The following LCP1 variants were observed in gnomAD, a reference collection of about 807,000 sequenced individuals.
The protein encoded by LCP1 is plastin-2.
In LCP1, 23 loss-of-function variants were observed where a neutral mutation model predicts 72.0. That is an observed-to-expected ratio of 0.32 (90% CI 0.23 to 0.45). The LOEUF (loss-of-function observed/expected upper bound fraction) is 0.45. LCP1 is among the 20% of genes least tolerant of loss of function. The probability of loss-of-function intolerance (pLI) is 1.00; values close to 1 mark genes in which losing one functional copy is unlikely to be tolerated. For missense variants in LCP1, 571 were observed against 748.3 expected (o/e 0.76, Z 2.76); for synonymous variants, 245 against 275.4 (o/e 0.89, Z 1.09).
rs1269363878 is a variant in LCP1 at position 46,130,899 on chromosome 13, T to A, written c.1666A>T (p.Ile556Phe). Reference sequence around the variant, plus strand: ...ATGGAACCTGGTTGGATGGCATCGATGAGGTCCAGAACAGGCAGACTTGTA... The same window carrying A: ...ATGGAACCTGGTTGGATGGCATCGAAGAGGTCCAGAACAGGCAGACTTGTA... The part of the protein sequence containing the change: ...ISTSLPVLDL[I>F]DAIQPGSINY... The change falls in exon 15 of 16, where the codon ATC (isoleucine) becomes TTC (phenylalanine). Residue 556 changes from isoleucine (I) to phenylalanine (F), a missense_variant. By Grantham distance (21) the Ile-to-Phe change is conservative. Transcript: ENST00000323076. The A allele has an allele frequency of 6.2e-7, 1 of 1,612,874 alleles. No individual in the cohort carries two copies. Among genetic ancestry groups the A allele is most frequent in the Admixed American group, 1.7e-5 (1 of 59,846 alleles).
chr13:46,136,814 C>G (rs938018340), intron 13 of LCP1, among the ~76,000 whole-genome samples: 1 of 152,158 alleles, frequency 6.6e-6, no homozygotes, highest in African/African-American at 2.4e-5. Context: ...CCTGACGGAA[C>G]AAACTAAGTT....
intron 1 of LCP1, among the ~76,000 whole-genome samples, chr13:46,180,763 A>G (rs754217736): frequency 1.3e-5 from 2 of 152,360 alleles, no homozygotes; most frequent in African/African-American, 4.8e-5. Context: ...CTTCGTAAAT[A>G]TAAGAAAAAT....
At chr13:46,130,971 G>A (rs1271156413) in intron 14 of LCP1, 33 bp from the exon 15 acceptor site, 19 of 1,547,214 alleles carry the variant, frequency 1.2e-5, no homozygotes, top group Non-Finnish European at 1.6e-5. Context: ...TTTCATCAAC[G>A]TGTCCCAAAG....
In LCP1 at chr13:46,162,219, T is replaced by C. The variant is rs76347044; in HGVS notation, c.-24-2533A>G. 4.2e-3 allele frequency among the ~76,000 whole-genome samples: 629 copies of C among 148,740 alleles called. 4 individuals are homozygous for C. The highest frequency in any genetic ancestry group is 0.015 in the African/African-American group (604 of 40,298). On this transcript the variant is annotated intron_variant, in intron 1 of 15. Coordinates refer to ENST00000323076, the MANE Select transcript of LCP1 (RefSeq NM_002298.5). ...GTTAGACACACATCCCATCCATCCA[T>C]TTATTCACTAAACAATGAGTTCTCC...
intron 15 of LCP1, among the ~76,000 whole-genome samples, chr13:46,130,019 G>C (rs1449454670): frequency 6.6e-6 from 1 of 152,196 alleles, no homozygotes; most frequent in Non-Finnish European, 1.5e-5. Context: ...GCATGGGGCA[G>C]ATTCTCCCTC....
intron 3 of LCP1, 31 bp downstream of exon 3, chr13:46,158,795 T>A (rs202196438): frequency 6.2e-7 from 1 of 1,607,940 alleles, no homozygotes; most frequent in African/African-American, 1.3e-5. Flanking sequence ...AAGTTTCAAA[T>A]GTGTCTCCTT....
At chr13:46,175,586 G>A (rs773465657) in intron 1 of LCP1, among the ~76,000 whole-genome samples, 37 of 152,000 alleles carry the variant, frequency 2.4e-4, no homozygotes, top group Non-Finnish European at 4.7e-4. Flanking sequence ...ACGGAGGGAG[G>A]AGAAAAACTG....
chr13:46,162,414 C>T (rs1350328401), intron 1 of LCP1, among the ~76,000 whole-genome samples: 1 of 151,936 alleles, frequency 6.6e-6, no homozygotes, highest in Non-Finnish European at 1.5e-5. Flanking sequence ...ATTCTCCTGC[C>T]TCAGCCTGCC....
At chr13:46,155,110 C>T (rs548788893) in intron 5 of LCP1, among the ~76,000 whole-genome samples, 8 of 152,204 alleles carry the variant, frequency 5.3e-5, no homozygotes, top group East Asian at 1.9e-4. Context: ...AAATGAGGAC[C>T]CCACTTCATT....
rs755622958 is a variant in LCP1, at chr13:46,158,969, T to G, written c.85A>C (p.Ile29Leu). Residue 29 changes from isoleucine (I) to leucine (L), a missense_variant, in exon 3 of 16, where the codon ATC (isoleucine) becomes CTC (leucine). Coordinates refer to ENST00000323076, the MANE Select transcript of LCP1 (RefSeq NM_002298.5). ...AKVDTDGNGY[I>L]SFNELNDLFK... ...AAGTCATTCAACTCATTGAAGCTGA[T>G]GTATCCATTGCCATCAGTATCTGTA... The G allele has an allele frequency of 6.2e-7, 1 of 1,614,156 alleles. No homozygotes were observed. Among genetic ancestry groups the G allele is most frequent in the Non-Finnish European group, 8.5e-7 (1 of 1,180,026 alleles).
rs541623915 is a variant in LCP1 at position 46,175,814 on chromosome 13, A to G, written c.-25+6297T>C. On this transcript the variant is annotated intron_variant, in intron 1 of 15. Transcript: ENST00000323076. ...GCATTAGAAACAGTGGGGGAAGTTCAGTTCGCATTTTTAAGATGACAAAAG... is the reference window on the plus strand; with the variant it reads ...GCATTAGAAACAGTGGGGGAAGTTCGGTTCGCATTTTTAAGATGACAAAAG... Among the ~76,000 whole-genome samples the G allele has an allele frequency of 5.3e-5, 8 of 152,354 alleles. No individual in the cohort carries two copies. In the East Asian group the frequency reaches 1.5e-3, roughly 29 times the overall value.
rs1002626727 is a variant in LCP1 at position 46,152,991 on chromosome 13, A to G, written c.574-46T>C. The G allele has an allele frequency of 2.6e-6, 4 of 1,548,426 alleles. No homozygotes were observed. In the African/African-American group the frequency reaches 5.5e-5, roughly 21 times the overall value. On this transcript the variant is annotated intron_variant, in intron 6 of 15. Coordinates refer to ENST00000323076, the MANE Select transcript of LCP1 (RefSeq NM_002298.5). ...AAGTTTTTGTTCTATGACTTTGTAG[A>G]TGCCAAATAATACCGATGGCAACAG...
chr13:46,135,970 C>T (rs1162972722), intron 13 of LCP1, among the ~76,000 whole-genome samples: 1 of 151,972 alleles, frequency 6.6e-6, no homozygotes, highest in Non-Finnish European at 1.5e-5. Flanking sequence ...AGGTTAAGCT[C>T]CAGCACACAG....
chr13:46,154,964 C>G, intron 5 of LCP1, 78 bp from the exon 6 acceptor site: 1 of 1,054,104 alleles, frequency 9.5e-7, no homozygotes, highest in Non-Finnish European at 1.5e-6. Context: ...TAAATTCTAG[C>G]AATACCATAA....
At chr13:46,148,503 G>A in intron 8 of LCP1, 56 bp from the exon 9 acceptor site, 1 of 1,043,254 alleles carries the variant, frequency 9.6e-7, no homozygotes, top group Non-Finnish European at 1.5e-6. Context: ...TACATACTTA[G>A]CATAACAATG....
intron 1 of LCP1, among the ~76,000 whole-genome samples, chr13:46,174,023 C>A (rs1720625033): frequency 6.6e-6 from 1 of 152,206 alleles, no homozygotes; most frequent in Non-Finnish European, 1.5e-5. Flanking sequence ...TGTTATCCTG[C>A]ACTACACTCT....
chr13:46,158,436 G>T, intron 4 of LCP1, 86 bp downstream of exon 4: 2 of 1,486,196 alleles, frequency 1.3e-6, no homozygotes, highest in Non-Finnish European at 9.2e-7. Context: ...GTTTGCTTCT[G>T]TCTTTGTTTA....
In LCP1 at chr13:46,158,600, T is replaced by C. The variant is rs1315589094; in HGVS notation, c.280A>G (p.Ile94Val). The C allele has an allele frequency of 1.2e-6, 2 of 1,614,080 alleles. No individual in the cohort carries two copies. Among genetic ancestry groups the C allele is most frequent in the Non-Finnish European group, 1.7e-6 (2 of 1,180,036 alleles). Residue 94 changes from isoleucine (I) to valine (V), a missense_variant, in exon 4 of 16, where the codon ATC (isoleucine) becomes GTC (valine). Coordinates refer to ENST00000323076, the MANE Select transcript of LCP1 (RefSeq NM_002298.5). The stretch of plus-strand genomic sequence containing the variant: ...GCACAAATCCCTTCCTTCTTATTGA[T>C]TGCTTTTCTAAAGGTCTTGGCAACA... ...TDVAKTFRKA[I>V]NKKEGICAIG...
chr13:46,150,958 C>A lies in LCP1; in HGVS notation c.860G>T (p.Gly287Val). ...TACCTTGATGTCAGTACTGAAGTTG[C>A]CAATTTTGTTGCAGCCTGCATTTTC... ...HLENAGCNKIGNFSTDIKDSK... is the reference protein window; with the variant it reads ...HLENAGCNKIVNFSTDIKDSK... Residue 287 changes from glycine to valine, a missense_variant, in exon 8 of 16, where the codon GGC becomes GTC. Coordinates refer to ENST00000323076, the MANE Select transcript of LCP1 (RefSeq NM_002298.5). 1.2e-6 allele frequency: 2 copies of A among 1,613,896 alleles called. No individual in the cohort carries two copies. Among genetic ancestry groups the A allele is most frequent in the Middle Eastern group, 1.7e-4 (1 of 6,056 alleles).
Sources: allele counts gnomAD v4.1 joint callset (sites outside exome capture counted in the v4.1 genomes callset), GRCh38; gene constraint gnomAD v4.1.1; transcripts MANE v1.5; gene names NCBI Gene and HGNC (gene_info 2026-07-23, HGNC 2026-07-21).